Variants in DCLK1 observed in about 807,000 individuals in gnomAD.
DCLK1 encodes the protein doublecortin like kinase 1, also known as serine/threonine-protein kinase DCLK1.
Under a neutral mutation model 86.2 loss-of-function variants are expected in DCLK1, and 16 were observed. The observed-to-expected ratio is 0.19, with a 90% CI of 0.13 to 0.28. The LOEUF (loss-of-function observed/expected upper bound fraction) is 0.28, where lower values mean the gene tolerates loss of function less well. Ranked by LOEUF, DCLK1 falls within the 10% of genes least tolerant of loss-of-function variation. DCLK1 has a pLI of 1.00. For synonymous variants in DCLK1, 369 were observed against 370.5 expected (o/e 1.00, Z 0.05); for missense variants, 590 against 940.2 (o/e 0.63, Z 4.87).
intron 4 of DCLK1, among the ~76,000 whole-genome samples, chr13:35,925,623 C>G (rs576331290): frequency 3.3e-5 from 5 of 152,290 alleles, no homozygotes; most frequent in African/African-American, 1.2e-4. Flanking sequence ...TTAAGTTACT[C>G]ATGTCCATTT....
At chr13:35,875,308 T>C (rs1192075749) in intron 4 of DCLK1, among the ~76,000 whole-genome samples, 1 of 152,226 alleles carries the variant, frequency 6.6e-6, no homozygotes, top group Non-Finnish European at 1.5e-5. Flanking sequence ...TTAGCAAGAA[T>C]GAATAGTTAA....
At chr13:36,054,594 C>G (rs930938022) in intron 3 of DCLK1, among the ~76,000 whole-genome samples, 1 of 151,900 alleles carries the variant, frequency 6.6e-6, no homozygotes, top group Non-Finnish European at 1.5e-5. Flanking sequence ...CAGGTAGTCA[C>G]AAATGAACAA....
At chr13:36,024,267 G>A (rs1578809) in intron 3 of DCLK1, among the ~76,000 whole-genome samples, 34,706 of 151,874 alleles carry the variant, frequency 0.23, 4,583 homozygotes, top group Non-Finnish European at 0.3. Context: ...AGATAGAAAG[G>A]GCATCCAGAT....
intron 4 of DCLK1, among the ~76,000 whole-genome samples, chr13:35,872,324 T>C (rs1872329080): frequency 6.6e-6 from 1 of 152,246 alleles, no homozygotes. Flanking sequence ...ATTTATATAT[T>C]TCAGCATTAG....
intron 3 of DCLK1, among the ~76,000 whole-genome samples, chr13:35,974,256 G>A (rs979300707): frequency 3.9e-5 from 6 of 152,178 alleles, no homozygotes; most frequent in African/African-American, 1.2e-4. Context: ...CATTTGAAGA[G>A]AGGACCTTGA....
chr13:36,108,072 AT>A (rs1299953332), intron 3 of DCLK1, among the ~76,000 whole-genome samples: 6 of 89,514 alleles, frequency 6.7e-5, no homozygotes, highest in African/African-American at 2.9e-4. Flanking sequence ...CAAGGCCCAG[AT>A]TTAAAAAAAA....
chr13:35,972,293 T>G (rs1487920660), intron 3 of DCLK1, among the ~76,000 whole-genome samples: 1 of 151,840 alleles, frequency 6.6e-6, no homozygotes, highest in Non-Finnish European at 1.5e-5. Context: ...AGATGGGGTG[T>G]CGCTATGCAA....
At chr13:36,078,084 T>A (rs1884274512) in intron 3 of DCLK1, among the ~76,000 whole-genome samples, 2 of 152,078 alleles carry the variant, frequency 1.3e-5, no homozygotes, top group South Asian at 2.1e-4. Context: ...TTAGATAAAA[T>A]CATGAGGGTG....
intron 3 of DCLK1, among the ~76,000 whole-genome samples, chr13:36,015,475 T>C (rs543808964): frequency 1.3e-5 from 2 of 152,318 alleles, no homozygotes; most frequent in South Asian, 4.1e-4. Flanking sequence ...ACAGAAGGCA[T>C]TTAATATTTA....
chr13:36,021,773 G>A (rs1308989515), intron 3 of DCLK1, among the ~76,000 whole-genome samples: 2 of 151,938 alleles, frequency 1.3e-5, no homozygotes, highest in Admixed American at 6.6e-5. Context: ...GAATTGAAGG[G>A]ACCTGTACAC....
intron 15 of DCLK1, 105 bp downstream of exon 15, chr13:35,805,594 T>C (rs1370984951): frequency 9.4e-6 from 11 of 1,167,792 alleles, no homozygotes; most frequent in Non-Finnish European, 1.2e-5. Context: ...ACACTGCGCC[T>C]GGCCCACAAC....
At chr13:35,984,879 TGCCCCCAGCGTGC>T (rs1879824625) in intron 3 of DCLK1, among the ~76,000 whole-genome samples, 1 of 147,898 alleles carries the variant, frequency 6.8e-6, no homozygotes, top group Non-Finnish European at 1.5e-5. Context: ...AGCAACCCTG[TGCCCCCAGCGTGC>T]GCATGCACAC....
chr13:35,923,244 G>A (rs1012166306), intron 4 of DCLK1, among the ~76,000 whole-genome samples: 2 of 152,228 alleles, frequency 1.3e-5, no homozygotes, highest in Non-Finnish European at 2.9e-5. Context: ...CTTTAGAGAC[G>A]GGGGTCTCAG....
At chr13:35,940,539 A>T (rs1877027128) in intron 4 of DCLK1, among the ~76,000 whole-genome samples, 1 of 152,138 alleles carries the variant, frequency 6.6e-6, no homozygotes, top group Non-Finnish European at 1.5e-5. Context: ...GTTTCCTAGC[A>T]TCACCAGCCT....
At chr13:36,121,852 T>C (rs1566021144) in intron 2 of DCLK1, among the ~76,000 whole-genome samples, 1 of 152,044 alleles carries the variant, frequency 6.6e-6, no homozygotes, top group Admixed American at 6.6e-5. Flanking sequence ...ACGCCTGAAA[T>C]CCCAGCATTT....
Position 36,111,948 on chromosome 13 carries a change from T to A in DCLK1, c.644A>T (p.Gln215Leu). 1 of 1,614,242 alleles carries A rather than the reference T, an allele frequency of 6.2e-7. No homozygotes were observed. Among genetic ancestry groups the A allele is most frequent in the Non-Finnish European group, 8.5e-7 (1 of 1,180,048 alleles). ...LNKKTAHSFEQVLTDITDAIK... is the reference protein window; with the variant it reads ...LNKKTAHSFELVLTDITDAIK... ...GGCATCGGTGATATCGGTGAGGACCTGCTCAAAGGAATGAGCCGTTTTCTT... is the reference window on the plus strand; with the variant it reads ...GGCATCGGTGATATCGGTGAGGACCAGCTCAAAGGAATGAGCCGTTTTCTT... The change falls in exon 3 of 17, where the codon CAG (glutamine) becomes CTG (leucine). Residue 215 changes from glutamine (Q) to leucine (L), a missense_variant. By Grantham distance (113) the Gln-to-Leu change is moderately radical (BLOSUM62 -2). This residue lies in a region of DCLK1 where 195 missense variants were observed against 365.1 expected (regional missense o/e 0.53). Transcript: ENST00000360631.
At chr13:35,926,322 T>A (rs1876117484) in intron 4 of DCLK1, among the ~76,000 whole-genome samples, 2 of 152,190 alleles carry the variant, frequency 1.3e-5, no homozygotes, top group South Asian at 4.1e-4. Flanking sequence ...CCTCCCAAAG[T>A]GCTGGGATTA....
Position 35,817,812 on chromosome 13 carries a change from C to G in DCLK1, c.1554+4917G>C, listed in dbSNP as rs78558862. Among the ~76,000 whole-genome samples, 174 of 152,302 alleles carry G rather than the reference C, an allele frequency of 1.1e-3. 2 individuals carry two copies. In the East Asian group the frequency reaches 0.029, roughly 26 times the overall value. The stretch of plus-strand genomic sequence containing the variant: ...CAGGCTTGTCATACTGAGACTCACA[C>G]TGAACGAACAGCCTTCTCCAGGTCA... On this transcript the variant is annotated intron_variant, in intron 11 of 16. Transcript: ENST00000360631.
intron 3 of DCLK1, among the ~76,000 whole-genome samples, chr13:36,034,984 T>C (rs115778010): frequency 0.02 from 3,051 of 152,246 alleles, 44 homozygotes; most frequent in Middle Eastern, 0.048. Context: ...TAGCTGGGCA[T>C]CAAACCACTG....
Sources: allele counts gnomAD v4.1 joint callset (sites outside exome capture counted in the v4.1 genomes callset), GRCh38; gene constraint gnomAD v4.1.1; regional missense constraint gnomAD v4.1.1; transcripts MANE v1.5; gene names NCBI Gene and HGNC (gene_info 2026-07-23, HGNC 2026-07-21).